PARD3B: variants seen among roughly 807,000 people sequenced by gnomAD.
The protein encoded by PARD3B is partitioning defective 3 homolog B.
In PARD3B, 103 loss-of-function variants were observed where a neutral mutation model predicts 130.2. The observed-to-expected ratio is 0.79, with a 90% CI of 0.67 to 0.93. The LOEUF (loss-of-function observed/expected upper bound fraction) is 0.93. PARD3B is among the 40% of genes least tolerant of loss of function. PARD3B has a pLI of 0.00. For missense variants in PARD3B, 1,609 were observed against 1,499.2 expected (o/e 1.07, Z -1.21); for synonymous variants, 583 against 553.2 (o/e 1.05, Z -0.76).
In PARD3B at chr2:205,019,557, A is replaced by G. The variant is rs140525287; in HGVS notation, c.395-28024A>G. ...TCTGTGGTTAATTATTTGAGGAACC[A>G]CCAGGCTGTTACCCAAACCTGTGGC... On this transcript the variant is annotated intron_variant, in intron 3 of 22. Transcript: ENST00000406610. Among the ~76,000 whole-genome samples the G allele has an allele frequency of 9.3e-3, 1,410 of 152,274 alleles. 23 individuals carry two copies. Among genetic ancestry groups the G allele is most frequent in the African/African-American group, 0.032 (1,350 of 41,556 alleles).
At chr2:204,902,568 C>G (rs974180737) in intron 2 of PARD3B, among the ~76,000 whole-genome samples, 20 of 148,868 alleles carry the variant, frequency 1.3e-4, no homozygotes, top group African/African-American at 5.0e-4. Context: ...GCTCGGGAGG[C>G]TGAGGCAGGA....
intron 15 of PARD3B, among the ~76,000 whole-genome samples, chr2:205,225,348 C>G (rs2038485844): frequency 6.6e-6 from 1 of 152,176 alleles, no homozygotes; most frequent in Non-Finnish European, 1.5e-5. Flanking sequence ...TTGCATTTCT[C>G]TGATGATCAA....
In PARD3B at chr2:205,194,960, T is replaced by TG. The variant is rs1442594892; in HGVS notation, c.2140+1640_2140+1641insG. On this transcript the variant is annotated intron_variant, in intron 15 of 22. Coordinates refer to ENST00000406610, the MANE Select transcript of PARD3B (RefSeq NM_001302769.2). Reference sequence around the variant, plus strand: ...CACCACGCCAGGCTAATTTTTTTTTTTTTTTTTTTTGTATTTTTAGTAGAG... The same window carrying TG: ...CACCACGCCAGGCTAATTTTTTTTTTGTTTTTTTTTTGTATTTTTAGTAGAG... Among the ~76,000 whole-genome samples the TG allele has an allele frequency of 5.2e-4, 66 of 126,658 alleles. No individual in the cohort carries two copies. In the East Asian group the frequency reaches 6.8e-3, roughly 13 times the overall value. 83.1% of individuals were successfully genotyped at this position (126,658 alleles called of 152,430 possible).
At chr2:205,399,783 G>A (rs1429178902) in intron 18 of PARD3B, among the ~76,000 whole-genome samples, 1 of 152,202 alleles carries the variant, frequency 6.6e-6, no homozygotes, top group Admixed American at 6.5e-5. Context: ...AGGCACTCAG[G>A]AATGCTCAGA....
intron 20 of PARD3B, among the ~76,000 whole-genome samples, chr2:205,472,503 A>G (rs1179799510): frequency 3.9e-5 from 6 of 152,210 alleles, no homozygotes; most frequent in African/African-American, 2.4e-5. Flanking sequence ...TAAATATGCA[A>G]TGATATATAA....
At chr2:204,822,097 G>A (rs572061870) in intron 2 of PARD3B, among the ~76,000 whole-genome samples, 10 of 152,310 alleles carry the variant, frequency 6.6e-5, no homozygotes, top group Admixed American at 1.3e-4. Flanking sequence ...TCTAGATGCC[G>A]TTAAGAACAT....
intron 22 of PARD3B, among the ~76,000 whole-genome samples, chr2:205,567,303 T>A (rs1309745060): frequency 8.9e-6 from 1 of 112,096 alleles, no homozygotes; most frequent in Non-Finnish European, 1.8e-5. Flanking sequence ...GAACATTCCT[T>A]GTTTTTTTTT....
chr2:205,357,580 G>A (rs1340241431), intron 18 of PARD3B, among the ~76,000 whole-genome samples: 2 of 152,086 alleles, frequency 1.3e-5, no homozygotes, highest in African/African-American at 4.8e-5. Context: ...AGTAAAATAA[G>A]TACACAAAAT....
chr2:204,948,888 A>C (rs534993958), intron 2 of PARD3B, among the ~76,000 whole-genome samples: 1 of 152,174 alleles, frequency 6.6e-6, no homozygotes, highest in South Asian at 2.1e-4. Context: ...ACCCTTCCCA[A>C]GTCTTTTTTT....
intron 1 of PARD3B, among the ~76,000 whole-genome samples, chr2:204,574,728 C>G (rs1281004477): frequency 1.3e-5 from 2 of 152,140 alleles, no homozygotes; most frequent in Non-Finnish European, 1.5e-5. Flanking sequence ...TTATATGGTG[C>G]TGGACACACA....
At chr2:205,193,835 G>A (rs1364130376) in intron 15 of PARD3B, among the ~76,000 whole-genome samples, 2 of 152,180 alleles carry the variant, frequency 1.3e-5, no homozygotes, top group Non-Finnish European at 2.9e-5. Flanking sequence ...CAAATCCTGT[G>A]ACACTGGAGG....
At chr2:204,643,937 G>A (rs1368691106) in intron 1 of PARD3B, among the ~76,000 whole-genome samples, 1 of 152,084 alleles carries the variant, frequency 6.6e-6, no homozygotes, top group East Asian at 1.9e-4. Context: ...GACATCAAAG[G>A]CCCACTGTCC....
At chr2:204,656,621 C>A (rs572524840) in intron 1 of PARD3B, among the ~76,000 whole-genome samples, 12 of 152,244 alleles carry the variant, frequency 7.9e-5, no homozygotes, top group Admixed American at 5.2e-4. Flanking sequence ...ACTCAGATCT[C>A]CTCTTTTCAT....
intron 2 of PARD3B, among the ~76,000 whole-genome samples, chr2:204,731,448 G>A (rs2039503265): frequency 6.6e-6 from 1 of 152,190 alleles, no homozygotes; most frequent in African/African-American, 2.4e-5. Flanking sequence ...CAAGAATTAT[G>A]AATTAGTGAT....
intron 1 of PARD3B, among the ~76,000 whole-genome samples, chr2:204,627,258 C>G (rs1419592918): frequency 1.3e-5 from 2 of 152,090 alleles, no homozygotes; most frequent in Non-Finnish European, 2.9e-5. Flanking sequence ...AGTGTGAAAA[C>G]TGACTAATAC....
intron 2 of PARD3B, among the ~76,000 whole-genome samples, chr2:204,881,888 C>T (rs192791514): frequency 3.9e-5 from 6 of 152,310 alleles, no homozygotes; most frequent in African/African-American, 1.4e-4. Context: ...GTCCCTGAAT[C>T]GTGAGTGTTC....
intron 4 of PARD3B, among the ~76,000 whole-genome samples, chr2:205,065,773 C>A (rs1482102201): frequency 1.3e-5 from 2 of 151,964 alleles, no homozygotes; most frequent in African/African-American, 4.8e-5. Context: ...TCTGCTTTAA[C>A]CTTCCCTGCC....
chr2:204,983,181 C>T (rs1310606876), intron 3 of PARD3B, among the ~76,000 whole-genome samples: 1 of 151,988 alleles, frequency 6.6e-6, no homozygotes, highest in Non-Finnish European at 1.5e-5. Flanking sequence ...TTTGGGTTGT[C>T]CAACTGGTAA....
chr2:204,559,173 C>G (rs1272872932), intron 1 of PARD3B, among the ~76,000 whole-genome samples: 2 of 152,058 alleles, frequency 1.3e-5, no homozygotes, highest in African/African-American at 2.4e-5. Context: ...AATGGCAACA[C>G]AAGCCAAAAT....
Sources: allele counts gnomAD v4.1 joint callset (sites outside exome capture counted in the v4.1 genomes callset), GRCh38; gene constraint gnomAD v4.1.1; transcripts MANE v1.5; gene names NCBI Gene and HGNC (gene_info 2026-07-23, HGNC 2026-07-21).